AFF4: variants seen among roughly 807,000 people sequenced by gnomAD.
The protein encoded by AFF4 is ALF transcription elongation factor 4.
A neutral mutation model predicts 124.8 loss-of-function variants in AFF4; 13 were observed. The observed-to-expected ratio is 0.10, with a 90% CI of 0.07 to 0.17. The LOEUF is 0.17. Ranked by LOEUF, AFF4 falls within the 10% of genes least tolerant of loss-of-function variation. The pLI is 1.00. For missense variants in AFF4, 1,092 were observed against 1,403.8 expected (o/e 0.78, Z 3.55); for synonymous variants, 477 against 496.1 (o/e 0.96, Z 0.51).
At position 132,878,309 on chromosome 5, in the gene AFF4, C is replaced by G. The variant is rs561250237; in HGVS notation, c.*2750G>C. ...CTAATGGTGTATAGGCTGCTGCCTC[C>G]TGGCATACAAGTGTAGTCATAAAGA... On this transcript the variant is annotated 3_prime_UTR_variant, in exon 21 of 21. Transcript: ENST00000265343. 8.7e-6 allele frequency: 2 copies of G among 230,644 alleles called. No individual in the cohort carries two copies. Among genetic ancestry groups the G allele is most frequent in the East Asian group, 1.2e-4 (2 of 16,264 alleles). The allele number at this position is 230,644 out of a possible 1,614,324, so 14.3% of individuals were successfully genotyped here.
intron 2 of AFF4, 139 bp from the exon 3 acceptor site, chr5:132,935,080 C>T (rs1000839000): frequency 3.5e-6 from 2 of 575,540 alleles, no homozygotes; most frequent in East Asian, 6.1e-5. Flanking sequence ...AACGTTAATA[C>T]CTTGAAGCAA....
chr5:132,937,141 G>A lies in AFF4; in HGVS notation c.49C>T (p.Arg17Trp). Residue 17 changes from arginine (R) to tryptophan (W), a missense_variant, in exon 2 of 21, where the codon CGG becomes TGG. By Grantham distance (101) the Arg-to-Trp change is moderately radical (BLOSUM62 -3). Transcript: ENST00000265343. ...TCGCCCTGCTGAATTTCCTGATTCC[G>A]CCTTTCCCGTTCTTTCATACGCAGC... ...NVLRMKERER[R>W]NQEIQQGEDA... 1 of 1,613,874 alleles carries A rather than the reference G, an allele frequency of 6.2e-7. No individual in the cohort carries two copies. Among genetic ancestry groups the A allele is most frequent in the Non-Finnish European group, 8.5e-7 (1 of 1,179,896 alleles).
At chr5:132,959,684 G>A (rs1056485350) in intron 1 of AFF4, among the ~76,000 whole-genome samples, 1 of 151,102 alleles carries the variant, frequency 6.6e-6, no homozygotes, top group Non-Finnish European at 1.5e-5. Context: ...GCCCTCTTCC[G>A]TGTACTAGAG....
chr5:132,899,251 T>C, intron 8 of AFF4, 110 bp from the exon 9 acceptor site: 1 of 1,006,850 alleles, frequency 9.9e-7, no homozygotes, highest in Non-Finnish European at 1.5e-6. Flanking sequence ...CTCTAATGTA[T>C]GCAACAATAT....
intron 20 of AFF4, among the ~76,000 whole-genome samples, chr5:132,881,835 T>G (rs1048167764): frequency 6.6e-6 from 1 of 151,684 alleles, no homozygotes; most frequent in African/African-American, 2.4e-5. Flanking sequence ...AAGTTTTTTT[T>G]TTTTTTTTTT....
intron 1 of AFF4, among the ~76,000 whole-genome samples, chr5:132,946,745 C>A (rs1333050938): frequency 6.6e-6 from 1 of 151,954 alleles, no homozygotes; most frequent in Non-Finnish European, 1.5e-5. Flanking sequence ...GTACTTAATG[C>A]CACTGAATTG....
chr5:132,910,603 C>T, intron 5 of AFF4, among the ~76,000 whole-genome samples: 1 of 152,186 alleles, frequency 6.6e-6, no homozygotes, highest in Admixed American at 6.5e-5. Context: ...GTTGTACCCA[C>T]TTAAATTTGG....
intron 1 of AFF4, among the ~76,000 whole-genome samples, chr5:132,961,884 T>A (rs1398469274): frequency 1.3e-5 from 2 of 152,192 alleles, no homozygotes; most frequent in Non-Finnish European, 2.9e-5. Context: ...TTTGACTGCT[T>A]CCAGGTTTTT....
At position 132,876,931 on chromosome 5, in the gene AFF4, G is replaced by A. The variant is rs1561474024; in HGVS notation, c.*4128C>T. On this transcript the variant is annotated 3_prime_UTR_variant, in exon 21 of 21. Coordinates refer to ENST00000265343, the MANE Select transcript of AFF4 (RefSeq NM_014423.4). ...GCCTCTTCTCACTACATATTCCAAG[G>A]TATTCAATAATTATCTCTTCTATTA... The A allele has an allele frequency of 2.0e-5, 4 of 198,030 alleles. No homozygotes were observed. The highest frequency in any genetic ancestry group is 1.2e-4 in the Admixed American group (2 of 16,510). 12.3% of individuals were successfully genotyped at this position (198,030 alleles called of 1,614,324 possible).
chr5:132,931,670 A>G (rs2150096275), intron 4 of AFF4, among the ~76,000 whole-genome samples: 1 of 152,332 alleles, frequency 6.6e-6, no homozygotes, highest in South Asian at 2.1e-4. Flanking sequence ...AAAGCAAAGA[A>G]CGCGGCCAGG....
chr5:132,920,199 G>T (rs1026738702), intron 5 of AFF4, among the ~76,000 whole-genome samples: 1 of 151,720 alleles, frequency 6.6e-6, no homozygotes, highest in Non-Finnish European at 1.5e-5. Context: ...ACAGATGCCC[G>T]CCACCATGTC....
chr5:132,945,037 G>A (rs535474282), intron 1 of AFF4: 14 of 196,298 alleles, frequency 7.1e-5, no homozygotes, highest in Admixed American at 2.8e-4. Flanking sequence ...CAGAAAGCTC[G>A]GAAGACTAAA....
At chr5:132,903,282 G>C (rs1760596247) in intron 6 of AFF4, among the ~76,000 whole-genome samples, 1 of 152,106 alleles carries the variant, frequency 6.6e-6, no homozygotes, top group Admixed American at 6.5e-5. Context: ...GTGGAACTAA[G>C]AAATTGATAG....
intron 1 of AFF4, among the ~76,000 whole-genome samples, chr5:132,939,716 T>C (rs1015858142): frequency 2.0e-5 from 3 of 152,214 alleles, no homozygotes; most frequent in Admixed American, 1.3e-4. Flanking sequence ...GTTCAATTGA[T>C]TCTCCTGCCT....
chr5:132,960,696 A>T (rs1195998161), intron 1 of AFF4, among the ~76,000 whole-genome samples: 1 of 152,194 alleles, frequency 6.6e-6, no homozygotes, highest in African/African-American at 2.4e-5. Flanking sequence ...GAAATCTTAG[A>T]TAAGTTGATA....
intron 13 of AFF4, among the ~76,000 whole-genome samples, chr5:132,890,398 G>C (rs1443853543): frequency 6.6e-6 from 1 of 151,914 alleles, no homozygotes; most frequent in Non-Finnish European, 1.5e-5. Flanking sequence ...CTCCCAAAGT[G>C]TTGGAATTAC....
intron 1 of AFF4, among the ~76,000 whole-genome samples, chr5:132,955,791 A>T (rs1174000781): frequency 7.1e-6 from 1 of 139,960 alleles, no homozygotes; most frequent in Admixed American, 7.2e-5. Flanking sequence ...AAAAAAAAAA[A>T]AAAAATATAT....
chr5:132,899,058 C>T, intron 9 of AFF4, 46 bp downstream of exon 9: 1 of 1,563,540 alleles, frequency 6.4e-7, no homozygotes, highest in Non-Finnish European at 8.8e-7. Flanking sequence ...TGTTATCAGG[C>T]TGACCCAACT....
At chr5:132,892,531 T>C in intron 12 of AFF4, 127 bp from the exon 13 acceptor site, 1 of 1,334,204 alleles carries the variant, frequency 7.5e-7, no homozygotes, top group African/African-American at 1.5e-5. Context: ...GGACACATGA[T>C]TTCTATAAAA....
Sources: allele counts gnomAD v4.1 joint callset (sites outside exome capture counted in the v4.1 genomes callset), GRCh38; gene constraint gnomAD v4.1.1; transcripts MANE v1.5; gene names NCBI Gene and HGNC (gene_info 2026-07-23, HGNC 2026-07-21).